Variants in ZNF571 observed in about 807,000 individuals in gnomAD.
The protein encoded by ZNF571 is zinc finger protein 571.
Under a neutral mutation model 7.7 loss-of-function variants are expected in ZNF571, and 4 were observed. The observed-to-expected ratio is 0.52, with a 90% CI of 0.25 to 1.18. The LOEUF is 1.18. Among genes scored for constraint, ZNF571 ranks in the 50% most tolerant of loss-of-function variants. The pLI is 0.14. For missense variants in ZNF571, 704 were observed against 726.9 expected (o/e 0.97, Z 0.36); for synonymous variants, 251 against 232.4 (o/e 1.08, Z -0.73).
At chr19:37,578,449 C>A (rs2043323576) in intron 3 of ZNF571, among the ~76,000 whole-genome samples, 1 of 152,208 alleles carries the variant, frequency 6.6e-6, no homozygotes, top group Non-Finnish European at 1.5e-5. Context: ...CATCCCTGGG[C>A]CACTAGACCA....
intron 1 of ZNF571, among the ~76,000 whole-genome samples, chr19:37,593,911 A>T (rs1299906451): frequency 1.3e-5 from 2 of 152,112 alleles, no homozygotes; most frequent in East Asian, 3.9e-4. Context: ...AACGTTTCGG[A>T]AAGGAAGAAA....
intron 3 of ZNF571, among the ~76,000 whole-genome samples, chr19:37,576,318 AAC>A (rs1318114026): frequency 1.3e-5 from 2 of 152,188 alleles, no homozygotes; most frequent in African/African-American, 4.8e-5. Context: ...TAACTCTATA[AAC>A]AAATAGGTTT....
At chr19:37,566,341 T>C in intron 3 of ZNF571, 50 bp from the exon 4 acceptor site, 1 of 1,533,762 alleles carries the variant, frequency 6.5e-7, no homozygotes, top group Non-Finnish European at 8.7e-7. Context: ...CAAGGAGAAA[T>C]AAAAATTCTA....
At position 37,566,089 on chromosome 19, in the gene ZNF571, G is replaced by A; in HGVS notation, c.339C>T (p.Thr113=). 1 of 1,614,050 alleles carries A rather than the reference G, an allele frequency of 6.2e-7. No homozygotes were observed. The part of the protein sequence containing the change: ...QEGLYMCVKI[T]CEEKATESHS... ...GACTTTCAGTGGCCTTTTCTTCACA[G>A]GTAATTTTGACACACATGTAAAGCC... The change falls in exon 4 of 4, where the codon ACC becomes ACT. Residue 113 remains threonine, a synonymous_variant. Transcript: ENST00000451802.
chr19:37,584,688 C>T (rs191666314), intron 2 of ZNF571, among the ~76,000 whole-genome samples: 4 of 152,034 alleles, frequency 2.6e-5, no homozygotes, highest in East Asian at 1.9e-4. Context: ...CTCGGCCGGG[C>T]GCGGTGGCTC....
At position 37,584,002 on chromosome 19, in the gene ZNF571, C is replaced by T. The variant is rs1463869905; in HGVS notation, c.105G>A (p.Met35Ile). The T allele has an allele frequency of 9.3e-6, 15 of 1,612,812 alleles. No homozygotes were observed. The highest frequency in any genetic ancestry group is 1.3e-5 in the Non-Finnish European group (15 of 1,179,320). ...AGATCAGGTTGCTGTAGTTCTCCAA[C>T]ATCACATCCCTGTACAAGTCCCTCT... ...PAQRDLYRDV[M>I]LENYSNLISL... The change falls in exon 3 of 4, where the codon ATG (methionine) becomes ATA (isoleucine). Residue 35 changes from methionine (M) to isoleucine (I), a missense_variant. Coordinates refer to ENST00000451802, the MANE Select transcript of ZNF571 (RefSeq NM_016536.5).
chr19:37,591,819 C>T (rs1204933160), intron 1 of ZNF571, among the ~76,000 whole-genome samples: 1 of 152,012 alleles, frequency 6.6e-6, no homozygotes, highest in Non-Finnish European at 1.5e-5. Flanking sequence ...GTTGGGATTA[C>T]AGGCGTGAGC....
intron 3 of ZNF571, among the ~76,000 whole-genome samples, chr19:37,573,232 T>C (rs2043128970): frequency 6.6e-6 from 1 of 152,034 alleles, no homozygotes; most frequent in Non-Finnish European, 1.5e-5. Context: ...AACACAAACA[T>C]AGCAGCCTCC....
chr19:37,592,390 C>T (rs944117380), intron 1 of ZNF571, among the ~76,000 whole-genome samples: 2 of 152,208 alleles, frequency 1.3e-5, no homozygotes, highest in Non-Finnish European at 2.9e-5. Flanking sequence ...ATAGCCACCA[C>T]TCTCATGAAA....
intron 1 of ZNF571, among the ~76,000 whole-genome samples, chr19:37,589,200 CAAAAAAAA>C (rs35689698): frequency 1.9e-4 from 21 of 108,900 alleles, no homozygotes; most frequent in Non-Finnish European, 2.5e-4. Flanking sequence ...AACTCCGTCT[CAAAAAAAA>C]AAAAAAAAAA....
intron 1 of ZNF571, among the ~76,000 whole-genome samples, chr19:37,592,793 T>C (rs1441137353): frequency 6.6e-6 from 1 of 152,192 alleles, no homozygotes; most frequent in Non-Finnish European, 1.5e-5. Context: ...AAACAAATTA[T>C]AAGACAGTAC....
intron 3 of ZNF571, among the ~76,000 whole-genome samples, chr19:37,577,213 C>T (rs1433594288): frequency 2.0e-5 from 3 of 152,098 alleles, no homozygotes; most frequent in Non-Finnish European, 2.9e-5. Flanking sequence ...TCACCCTCCT[C>T]AAATATTTCA....
Position 37,565,653 on chromosome 19 carries a change from CT to C in ZNF571, c.774del (p.Ala259ProfsTer92), listed in dbSNP as rs1378011704. On this transcript the variant is annotated frameshift_variant, in exon 4 of 4. Transcript: ENST00000451802. LOFTEE classifies it low-confidence loss of function (END_TRUNC). Reference protein sequence around the residue: ...EKPYECKKCGKAFSYCSQYTL... With the variant: ...EKPYECKKCGXAFSYCSQYTL... ...GTATATTGTGAACAATAACTAAAGG[CT>C]TTTCCACATTTCTTACATTCATATG... is the stretch of plus-strand genomic sequence containing the variant. 1 of 1,613,254 alleles carries C rather than the reference CT, an allele frequency of 6.2e-7. No homozygotes were observed. Among genetic ancestry groups the C allele is most frequent in the South Asian group, 1.1e-5 (1 of 90,994 alleles).
intron 3 of ZNF571, among the ~76,000 whole-genome samples, chr19:37,570,816 T>TAAAAACAAAGG (rs1246730642): frequency 1.3e-5 from 2 of 152,230 alleles, no homozygotes; most frequent in Admixed American, 1.3e-4. Context: ...GCATTCATAG[T>TAAAAACAAAGG]AAAAACAAAG....
At chr19:37,566,577 C>T (rs1205285268) in intron 3 of ZNF571, 1 of 267,258 alleles carries the variant, frequency 3.7e-6, no homozygotes, top group Non-Finnish European at 7.0e-6. Flanking sequence ...TAAAAACACC[C>T]TCTTGAAAAC....
At chr19:37,568,665 C>G (rs1370079882) in intron 3 of ZNF571, among the ~76,000 whole-genome samples, 1 of 152,006 alleles carries the variant, frequency 6.6e-6, no homozygotes, top group Non-Finnish European at 1.5e-5. Flanking sequence ...ATTAGAATAC[C>G]AAAGTCTCAG....
chr19:37,565,056 G>C lies in ZNF571; in HGVS notation c.1372C>G (p.Arg458Gly), dbSNP rs61731966. The C allele has an allele frequency of 1.2e-6, 2 of 1,613,438 alleles. No individual in the cohort carries two copies. Among genetic ancestry groups the C allele is most frequent in the East Asian group, 2.2e-5 (1 of 44,834 alleles). ...ECKECGKAFI[R>G]VAYLTQHEKI... ...TCATGTTGAGTAAGATATGCAACACGAATAAAGGCCTTTCCACATTCCTTA... is the reference window on the plus strand; with the variant it reads ...TCATGTTGAGTAAGATATGCAACACCAATAAAGGCCTTTCCACATTCCTTA... Residue 458 changes from arginine to glycine, a missense_variant, in exon 4 of 4, where the codon CGT becomes GGT. Arg to Gly is a moderately radical substitution (Grantham distance 125). Coordinates refer to ENST00000451802, the MANE Select transcript of ZNF571 (RefSeq NM_016536.5).
In ZNF571 at chr19:37,569,672, C is replaced by T. The variant is rs1464452316; in HGVS notation, c.137-3381G>A. Among the ~76,000 whole-genome samples, 1 of 152,124 alleles carries T rather than the reference C, an allele frequency of 6.6e-6. No homozygotes were observed. Among genetic ancestry groups the T allele is most frequent in the Non-Finnish European group, 1.5e-5 (1 of 68,010 alleles). On this transcript the variant is annotated intron_variant, in intron 3 of 3. Coordinates refer to ENST00000451802, the MANE Select transcript of ZNF571 (RefSeq NM_016536.5). This position sits in a 1 kb window ranked among gnomAD's most constrained non-coding sequence, Gnocchi z 4.4. Reference sequence around the variant, plus strand: ...CCGGCCTGGCTCCAGTCAACCTCTCCGACTCCCTTGTGGCACCTCTGCCTC... The same window carrying T: ...CCGGCCTGGCTCCAGTCAACCTCTCTGACTCCCTTGTGGCACCTCTGCCTC...
At chr19:37,591,763 CA>C (rs2043875044) in intron 1 of ZNF571, among the ~76,000 whole-genome samples, 1 of 151,984 alleles carries the variant, frequency 6.6e-6, no homozygotes, top group Non-Finnish European at 1.5e-5. Flanking sequence ...AGGCTGGCCT[CA>C]AACTCCCGAC....
Sources: allele counts gnomAD v4.1 joint callset (sites outside exome capture counted in the v4.1 genomes callset), GRCh38; gene constraint gnomAD v4.1.1; non-coding constraint Gnocchi (gnomAD v3.1); transcripts MANE v1.5; gene names NCBI Gene and HGNC (gene_info 2026-07-23, HGNC 2026-07-21).